Variants in ZFPM1 observed in about 807,000 individuals in gnomAD.
The protein encoded by ZFPM1 is zinc finger protein, FOG family member 1.
ZFPM1 carries 28 observed loss-of-function variants against 46.3 expected under a neutral mutation model. That is an observed-to-expected ratio of 0.60 (90% CI 0.45 to 0.83). The LOEUF (loss-of-function observed/expected upper bound fraction) is 0.83, where lower values mean the gene tolerates loss of function less well. Among genes scored for constraint, ZFPM1 ranks in the 40% least tolerant of loss-of-function variants. The pLI, the probability that ZFPM1 is intolerant of heterozygous loss-of-function variation, is 0.00. For synonymous variants in ZFPM1, 957 were observed against 675.9 expected (o/e 1.42, Z -6.45); for missense variants, 1,878 against 1,432.4 (o/e 1.31, Z -5.02).
At chr16:88,505,357 G>A (rs990813077) in intron 3 of ZFPM1, among the ~76,000 whole-genome samples, 5 of 152,202 alleles carry the variant, frequency 3.3e-5, no homozygotes, top group Admixed American at 6.5e-5. Context: ...TCTCCCAGGC[G>A]GTGGTGCCCT....
chr16:88,491,053 T>TCGGTCAGGCGCTGGTGCCTTCGCGGGTCC lies in ZFPM1; in HGVS notation c.268+1902_268+1930dup, dbSNP rs1567536459. 3.4e-3 allele frequency among the ~76,000 whole-genome samples: 473 copies of TCGGTCAGGCGCTGGTGCCTTCGCGGGTCC among 140,050 alleles called. 5 individuals carry two copies. The highest frequency in any genetic ancestry group is 0.012 in the African/African-American group (436 of 36,994). 91.9% of individuals were successfully genotyped at this position (140,050 alleles called of 152,430 possible). On this transcript the variant is annotated intron_variant, in intron 3 of 9. Coordinates refer to ENST00000319555, the MANE Select transcript of ZFPM1 (RefSeq NM_153813.3). The stretch of plus-strand genomic sequence containing the variant: ...TCAGGCGCTGGTGCCTTCGGGGGTC[T>TCGGTCAGGCGCTGGTGCCTTCGCGGGTCC]CGGTCAGGCGCTGGTGCCTTCGCGG...
chr16:88,502,188 T>TAAGATCGGTCCCCGGAG (rs1460038429), intron 3 of ZFPM1, among the ~76,000 whole-genome samples: 4 of 151,912 alleles, frequency 2.6e-5, no homozygotes, highest in Admixed American at 2.6e-4. Flanking sequence ...ACGCAGCTGA[T>TAAGATCGGTCCCCGGAG]AAGATCGGTC....
chr16:88,470,803 G>A (rs1240378526), intron 1 of ZFPM1, among the ~76,000 whole-genome samples: 31 of 110,026 alleles, frequency 2.8e-4, no homozygotes, highest in African/African-American at 8.9e-4. Context: ...GGGTGGTGAC[G>A]CTGAGTGACA....
At chr16:88,514,319 C>T in intron 3 of ZFPM1, 68 bp from the exon 4 acceptor site, 1 of 1,539,660 alleles carries the variant, frequency 6.5e-7, no homozygotes, top group Non-Finnish European at 8.7e-7. Context: ...TTGGGCCAAC[C>T]CTAGCGGGAG....
In ZFPM1 at chr16:88,509,241, A is replaced by G. The variant is rs145182451; in HGVS notation, c.269-5146A>G. ...TTTTCTTTCCTTTTTTGTGACTTTT[A>G]TCAAAAGCAAACAGCATGATCCCTG... On this transcript the variant is annotated intron_variant, in intron 3 of 9. Transcript: ENST00000319555. Among the ~76,000 whole-genome samples the G allele has an allele frequency of 7.3e-3, 1,112 of 152,030 alleles. 11 individuals carry two copies. The highest frequency in any genetic ancestry group is 0.025 in the African/African-American group (1,034 of 41,456).
intron 3 of ZFPM1, among the ~76,000 whole-genome samples, chr16:88,498,826 C>A (rs1257845827): frequency 1.3e-5 from 2 of 152,240 alleles, no homozygotes; most frequent in African/African-American, 4.8e-5. Flanking sequence ...GTCGCAGGCT[C>A]TGGCTGGCCT....
chr16:88,502,046 G>A (rs867662655), intron 3 of ZFPM1, among the ~76,000 whole-genome samples: 1 of 127,042 alleles, frequency 7.9e-6, no homozygotes, highest in Non-Finnish European at 1.6e-5. Context: ...CCCCCGACGC[G>A]GCTCCACCCG....
At chr16:88,505,073 A>G (rs1476178753) in intron 3 of ZFPM1, among the ~76,000 whole-genome samples, 1 of 152,238 alleles carries the variant, frequency 6.6e-6, no homozygotes, top group Non-Finnish European at 1.5e-5. Flanking sequence ...GCGATGTTCC[A>G]GGCGATAGGA....
At chr16:88,519,048 AGATGGATGGATGGATGGATG>A (rs371844825) in intron 4 of ZFPM1, among the ~76,000 whole-genome samples, 2 of 107,924 alleles carry the variant, frequency 1.9e-5, no homozygotes, top group African/African-American at 4.0e-5. Context: ...GTGGATGGAT[AGATGGATGGATGGATGGATG>A]GATGGATGGA....
chr16:88,519,448 G>GT (rs1224949562), intron 4 of ZFPM1, among the ~76,000 whole-genome samples: 1 of 150,266 alleles, frequency 6.7e-6, no homozygotes, highest in African/African-American at 2.5e-5. Flanking sequence ...TAGATGCATG[G>GT]TGGATGGATA....
At chr16:88,460,764 G>T (rs1365595798) in intron 1 of ZFPM1, among the ~76,000 whole-genome samples, 1 of 152,202 alleles carries the variant, frequency 6.6e-6, no homozygotes, top group Non-Finnish European at 1.5e-5. Context: ...CAGCTGTTTG[G>T]AGCAGACCCC....
At chr16:88,464,460 G>A (rs1442410407) in intron 1 of ZFPM1, among the ~76,000 whole-genome samples, 2 of 152,236 alleles carry the variant, frequency 1.3e-5, no homozygotes, top group Non-Finnish European at 2.9e-5. Context: ...CCACTTCGTG[G>A]GCCTGGAACA....
chr16:88,485,895 C>A lies in ZFPM1; in HGVS notation c.41-44C>A, dbSNP rs746998897. ...GGAGGGGTCAGGAGGCAGGAGCTGTCCCCCCAGAGCTCCTCCCGAACCCCC... is the reference window on the plus strand; with the variant it reads ...GGAGGGGTCAGGAGGCAGGAGCTGTACCCCCAGAGCTCCTCCCGAACCCCC... On this transcript the variant is annotated intron_variant, in intron 1 of 9. Transcript: ENST00000319555. The A allele has an allele frequency of 5.1e-6, 8 of 1,574,298 alleles. No homozygotes were observed. In the East Asian group the frequency reaches 9.0e-5, roughly 18 times the overall value.
At chr16:88,507,012 G>A (rs901623799) in intron 3 of ZFPM1, among the ~76,000 whole-genome samples, 17 of 152,230 alleles carry the variant, frequency 1.1e-4, no homozygotes, top group Non-Finnish European at 1.3e-4. Flanking sequence ...GGTCCTGCTG[G>A]CCTTTCCAGG....
At position 88,521,378 on chromosome 16, in the gene ZFPM1, A is replaced by T. The variant is rs77630985; in HGVS notation, c.403-5436A>T. Among the ~76,000 whole-genome samples, 359 of 152,018 alleles carry T rather than the reference A, an allele frequency of 2.4e-3. 1 individual carries two copies. The highest frequency in any genetic ancestry group is 8.0e-3 in the African/African-American group (331 of 41,430). On this transcript the variant is annotated intron_variant, in intron 4 of 9. Coordinates refer to ENST00000319555, the MANE Select transcript of ZFPM1 (RefSeq NM_153813.3). ...GACGCCAGGCTCTGGGGCTCCCTGC[A>T]TGGTTTCAGAGGACTGCTCAGACCC...
chr16:88,532,212 A>T lies in ZFPM1; in HGVS notation c.923A>T (p.Glu308Val). 3 of 1,607,274 alleles carry T rather than the reference A, an allele frequency of 1.9e-6. No homozygotes were observed. Among genetic ancestry groups the T allele is most frequent in the Non-Finnish European group, 2.6e-6 (3 of 1,176,042 alleles). Residue 308 changes from glutamate to valine, a missense_variant, in exon 7 of 10, where the codon GAG becomes GTG. By Grantham distance (121) the Glu-to-Val change is moderately radical (BLOSUM62 -2). Coordinates refer to ENST00000319555, the MANE Select transcript of ZFPM1 (RefSeq NM_153813.3). Reference sequence around the variant, plus strand: ...AGCTGCCCCAGCGCCAGCTCCCTGGAGATCCACATGCGCAGCCACAGCGGT... The same window carrying T: ...AGCTGCCCCAGCGCCAGCTCCCTGGTGATCCACATGCGCAGCCACAGCGGT... ...RKSCPSASSLEIHMRSHSGER... is the reference protein window; with the variant it reads ...RKSCPSASSLVIHMRSHSGER...
At chr16:88,486,463 C>T (rs896603264) in intron 2 of ZFPM1, among the ~76,000 whole-genome samples, 2 of 152,144 alleles carry the variant, frequency 1.3e-5, no homozygotes, top group Non-Finnish European at 2.9e-5. Flanking sequence ...ACAGTGGGTG[C>T]TGGGTGCAAG....
chr16:88,518,204 C>CA (rs112046588), intron 4 of ZFPM1, among the ~76,000 whole-genome samples: 2,845 of 116,368 alleles, frequency 0.024, 34 homozygotes, highest in Middle Eastern at 0.063. Flanking sequence ...GACTCCGTCT[C>CA]AAAAAAAAAA....
At position 88,481,208 on chromosome 16, in the gene ZFPM1, C is replaced by T. The variant is rs191782868; in HGVS notation, c.41-4731C>T. The stretch of plus-strand genomic sequence containing the variant: ...GGGCTGAGCCCAGTGCTGCCCTGGC[C>T]GCCAATGACCACAGCCATAGCCCGT... On this transcript the variant is annotated intron_variant, in intron 1 of 9. Transcript: ENST00000319555. Among the ~76,000 whole-genome samples, 140 of 152,350 alleles carry T rather than the reference C, an allele frequency of 9.2e-4. 1 individual carries two copies. The highest frequency in any genetic ancestry group is 3.3e-3 in the African/African-American group (136 of 41,582).
Sources: gnomAD v4.1 joint callset for allele counts (sites outside exome capture counted in the v4.1 genomes callset) on GRCh38, gnomAD v4.1.1 for gene constraint, MANE v1.5 for transcripts, NCBI Gene and HGNC (gene_info 2026-07-23, HGNC 2026-07-21) for gene names.